The following TSHR variants were observed in gnomAD, a reference collection of about 807,000 sequenced individuals.
TSHR encodes the protein thyrotropin receptor.
TSHR carries 51 observed loss-of-function variants against 64.1 expected under a neutral mutation model. That is an observed-to-expected ratio of 0.80 (90% CI 0.64 to 1.01). The LOEUF (loss-of-function observed/expected upper bound fraction) is 1.01. TSHR is among the 50% of genes least tolerant of loss of function. The pLI is 0.00. For synonymous variants in TSHR, 361 were observed against 361.9 expected, an observed-to-expected ratio of 1.00 and a Z score of 0.03; for missense variants, 877 against 942.8, an observed-to-expected ratio of 0.93 and a Z score of 0.91.
chr14:81,130,676 T>C (rs1165562599), intron 8 of TSHR, among the ~76,000 whole-genome samples: 1 of 152,136 alleles, frequency 6.6e-6, no homozygotes, highest in Non-Finnish European at 1.5e-5. Context: ...TCCAGACAAT[T>C]CTCCCAAATT....
intron 1 of TSHR, among the ~76,000 whole-genome samples, chr14:81,025,637 T>C (rs1301128231): frequency 6.6e-6 from 1 of 152,212 alleles, no homozygotes; most frequent in East Asian, 1.9e-4. Flanking sequence ...GATTGAATTA[T>C]ATGTGAGACA....
rs1348904624 is a variant in TSHR, at chr14:81,010,706, A to G, written c.171-51442A>G. On this transcript the variant is annotated intron_variant, in intron 1 of 9. Coordinates refer to ENST00000298171, the MANE Select transcript of TSHR (RefSeq NM_000369.5). ...TATTGCATTCATTAGAAACCCCAGT[A>G]CAATGTTGAATAGCAACATTCTGTC... 2.0e-5 allele frequency among the ~76,000 whole-genome samples: 3 copies of G among 152,310 alleles called. No homozygotes were observed. The East Asian group carries it at 5.8e-4, about 29-fold the overall frequency.
rs1886916779 is a variant in TSHR at position 81,069,640 on chromosome 14, C to T, written c.317+1312C>T. ...GGAAAATAAAACTCTGAGTTCCGGG[C>T]TTGCTAAGAAGGATTGTTCCTAGTA... On this transcript the variant is annotated intron_variant, in intron 3 of 9. Transcript: ENST00000298171. Among the ~76,000 whole-genome samples the T allele has an allele frequency of 2.6e-5, 4 of 152,224 alleles. No individual in the cohort carries two copies. In the South Asian group the frequency reaches 8.3e-4, roughly 32 times the overall value.
chr14:81,000,999 A>T (rs1889280320), intron 1 of TSHR, among the ~76,000 whole-genome samples: 1 of 152,178 alleles, frequency 6.6e-6, no homozygotes, highest in South Asian at 2.1e-4. Context: ...AAACAAGGAC[A>T]GGCGATTCTA....
intron 1 of TSHR, among the ~76,000 whole-genome samples, chr14:80,991,239 T>C (rs6574616): frequency 0.91 from 138,218 of 152,244 alleles, 62,813 homozygotes; most frequent in East Asian, 1. Context: ...GCAAGTTGTT[T>C]ACCAGTGCAC....
chr14:80,970,364 C>A (rs1186496083), intron 1 of TSHR, among the ~76,000 whole-genome samples: 2 of 152,232 alleles, frequency 1.3e-5, no homozygotes, highest in Non-Finnish European at 2.9e-5. Context: ...TCACAATGGG[C>A]AGCTGTAGTC....
At chr14:81,081,278 G>GTA (rs962050723) in intron 3 of TSHR, among the ~76,000 whole-genome samples, 30 of 151,640 alleles carry the variant, frequency 2.0e-4, no homozygotes, top group Admixed American at 3.9e-4. Context: ...ATGTATGTAT[G>GTA]TATATATATA....
intron 1 of TSHR, among the ~76,000 whole-genome samples, chr14:81,041,386 G>A (rs544578581): frequency 1.3e-5 from 2 of 152,150 alleles, no homozygotes; most frequent in African/African-American, 4.8e-5. Context: ...GATGAAGCTA[G>A]GGGCAATTAT....
intron 1 of TSHR, among the ~76,000 whole-genome samples, chr14:81,031,651 C>A (rs1884353874): frequency 6.6e-6 from 1 of 152,136 alleles, no homozygotes; most frequent in Non-Finnish European, 1.5e-5. Context: ...GGAGAGTAAC[C>A]ACAGAGGCAG....
intron 8 of TSHR, chr14:81,108,795 T>C (rs1890087573): frequency 4.5e-6 from 7 of 1,571,170 alleles, no homozygotes; most frequent in Admixed American, 1.8e-5. Context: ...GAAGGCACTC[T>C]AGTCTTTGCA....
chr14:81,067,483 T>TATATATATATATATATATATA (rs10528933), intron 2 of TSHR, among the ~76,000 whole-genome samples: 58 of 134,950 alleles, frequency 4.3e-4, no homozygotes, highest in African/African-American at 1.6e-3. Flanking sequence ...GTTTATAGTT[T>TATATATATATATATATATATA]TATATATATA....
rs1335882597 is a variant in TSHR at position 81,143,054 on chromosome 14, C to A, written c.996C>A (p.Asp332Glu). 1 of 1,614,192 alleles carries A rather than the reference C, an allele frequency of 6.2e-7. No homozygotes were observed. The part of the protein sequence containing the change: ...LHQEYEENLG[D>E]SIVGYKEKSK... ...AGGAATATGAAGAGAATCTGGGTGACAGCATTGTTGGGTACAAGGAAAAGT... is the reference window on the plus strand; with the variant it reads ...AGGAATATGAAGAGAATCTGGGTGAAAGCATTGTTGGGTACAAGGAAAAGT... Residue 332 changes from aspartate to glutamate, a missense_variant, in exon 10 of 10, where the codon GAC becomes GAA. Transcript: ENST00000298171.
At chr14:81,132,652 A>G (rs578043348) in intron 8 of TSHR, among the ~76,000 whole-genome samples, 10 of 152,236 alleles carry the variant, frequency 6.6e-5, no homozygotes, top group African/African-American at 2.4e-4. Context: ...CTGCATTCTG[A>G]TTTGCGAGTA....
chr14:81,108,516 T>G, intron 8 of TSHR, 64 bp downstream of exon 8: 1 of 1,575,038 alleles, frequency 6.3e-7, no homozygotes, highest in Non-Finnish European at 8.7e-7. Context: ...TTGGAATAAA[T>G]GGAGACATTA....
intron 8 of TSHR, among the ~76,000 whole-genome samples, chr14:81,135,193 C>A (rs975723445): frequency 6.6e-6 from 1 of 152,140 alleles, no homozygotes; most frequent in Non-Finnish European, 1.5e-5. Context: ...TAAGAAATTA[C>A]TTGAAAATGT....
At chr14:81,073,208 T>C (rs1887247990) in intron 3 of TSHR, among the ~76,000 whole-genome samples, 3 of 150,862 alleles carry the variant, frequency 2.0e-5, no homozygotes, top group South Asian at 4.2e-4. Context: ...CTTCAAACCA[T>C]ATAAAGCAGA....
chr14:81,118,146 A>G (rs1890611640), intron 8 of TSHR, among the ~76,000 whole-genome samples: 1 of 56,034 alleles, frequency 1.8e-5, no homozygotes, highest in East Asian at 5.9e-4. Flanking sequence ...CACCACTCCT[A>G]TTCAACATAG....
intron 1 of TSHR, among the ~76,000 whole-genome samples, chr14:80,962,520 T>G (rs965253738): frequency 6.6e-5 from 10 of 152,214 alleles, no homozygotes; most frequent in Non-Finnish European, 1.3e-4. Context: ...CTCACCCTCA[T>G]TCACTATGGA....
intron 1 of TSHR, among the ~76,000 whole-genome samples, chr14:81,007,474 A>T (rs141867413): frequency 1.9e-4 from 29 of 152,146 alleles, no homozygotes; most frequent in African/African-American, 6.7e-4. Flanking sequence ...TTTTTTTCTC[A>T]TTAATAGACT....
Sources: allele counts gnomAD v4.1 joint callset (sites outside exome capture counted in the v4.1 genomes callset), GRCh38; gene constraint gnomAD v4.1.1; transcripts MANE v1.5; gene names NCBI Gene and HGNC (gene_info 2026-07-23, HGNC 2026-07-21).